The following CLASP2 variants were observed in gnomAD, a reference collection of about 807,000 sequenced individuals.
CLASP2 encodes CLIP-associating protein 2.
CLASP2 carries 47 observed loss-of-function variants against 194.4 expected under a neutral mutation model. That is an observed-to-expected ratio of 0.24 (90% CI 0.19 to 0.31). The LOEUF (loss-of-function observed/expected upper bound fraction) is 0.31. Ranked by LOEUF, CLASP2 falls within the 10% of genes least tolerant of loss-of-function variation. CLASP2 has a pLI of 1.00. For synonymous variants in CLASP2, 619 were observed against 633.5 expected (o/e 0.98, Z 0.34); for missense variants, 1,445 against 1,823.6 (o/e 0.79, Z 3.78).
chr3:33,527,359 C>G (rs985815148), intron 34 of CLASP2, among the ~76,000 whole-genome samples: 1 of 152,022 alleles, frequency 6.6e-6, no homozygotes, highest in African/African-American at 2.4e-5. Context: ...AACTAGAAAA[C>G]CTAGAAGAGA....
chr3:33,645,368 A>T, intron 7 of CLASP2: 1 of 764,158 alleles, frequency 1.3e-6, no homozygotes, highest in Non-Finnish European at 2.4e-6. Flanking sequence ...AATAGTTCAC[A>T]TGGCCAAATA....
At chr3:33,533,592 A>T (rs974551579) in intron 34 of CLASP2, among the ~76,000 whole-genome samples, 4 of 152,240 alleles carry the variant, frequency 2.6e-5, no homozygotes, top group African/African-American at 4.8e-5. Flanking sequence ...TGAGAAAATC[A>T]GCATTACTTA....
chr3:33,498,657 T>C lies in CLASP2; in HGVS notation c.4495A>G (p.Thr1499Ala). The part of the protein sequence containing the change: ...AQTGSGGADP[T>A]TDVSGQS Reference sequence around the variant, plus strand: ...TAACTTTGTCCAGAAACATCAGTAGTGGGATCAGCTCCTCCAGAACCTGTT... The same window carrying C: ...TAACTTTGTCCAGAAACATCAGTAGCGGGATCAGCTCCTCCAGAACCTGTT... Residue 1499 changes from threonine to alanine, a missense_variant, in exon 39 of 39, where the codon ACT (threonine) becomes GCT (alanine). By Grantham distance (58) the Thr-to-Ala change is moderately conservative. This residue lies in a region of CLASP2 where 732 missense variants were observed against 987.9 expected (regional missense o/e 0.74). Coordinates refer to ENST00000682230, the MANE Select transcript of CLASP2 (RefSeq NM_001365631.1). 6.2e-7 allele frequency: 1 copy of C among 1,613,470 alleles called. No homozygotes were observed. Among genetic ancestry groups the C allele is most frequent in the Non-Finnish European group, 8.5e-7 (1 of 1,179,444 alleles).
intron 16 of CLASP2, among the ~76,000 whole-genome samples, chr3:33,605,870 C>CA (rs941912683): frequency 5.9e-5 from 9 of 152,130 alleles, no homozygotes; most frequent in African/African-American, 2.2e-4. Context: ...CTTAGCCTCT[C>CA]AAAGTGCTGG....
intron 2 of CLASP2, among the ~76,000 whole-genome samples, chr3:33,691,067 C>A (rs1489811620): frequency 6.6e-6 from 1 of 152,088 alleles, no homozygotes; most frequent in Non-Finnish European, 1.5e-5. Context: ...GGAGGCAGAG[C>A]TCAGGTGGTA....
intron 13 of CLASP2, among the ~76,000 whole-genome samples, chr3:33,609,322 T>C (rs1259354150): frequency 6.6e-6 from 1 of 152,156 alleles, no homozygotes; most frequent in African/African-American, 2.4e-5. Context: ...ATTTATTAAT[T>C]TAAAAATATT....
At chr3:33,647,056 T>C (rs546759481) in intron 7 of CLASP2, among the ~76,000 whole-genome samples, 3 of 152,302 alleles carry the variant, frequency 2.0e-5, no homozygotes, top group South Asian at 4.1e-4. Flanking sequence ...CCACAATTTA[T>C]TAATATCCAT....
chr3:33,590,598 T>C (rs945678884), intron 21 of CLASP2, among the ~76,000 whole-genome samples: 1 of 152,140 alleles, frequency 6.6e-6, no homozygotes, highest in Non-Finnish European at 1.5e-5. Flanking sequence ...GAGATAAAAG[T>C]TTTCCCATTC....
chr3:33,696,991 G>C (rs1164300649), intron 1 of CLASP2, 58 bp from the exon 2 acceptor site: 6 of 908,296 alleles, frequency 6.6e-6, no homozygotes, highest in African/African-American at 1.7e-5. Context: ...TTTAATATCA[G>C]TATTTAATTT....
intron 36 of CLASP2, among the ~76,000 whole-genome samples, chr3:33,510,989 T>C (rs928922508): frequency 1.3e-5 from 2 of 151,822 alleles, no homozygotes; most frequent in Non-Finnish European, 2.9e-5. Flanking sequence ...TTTATTACAC[T>C]ATTCTCCCTT....
chr3:33,550,014 G>A (rs181740353), intron 30 of CLASP2, among the ~76,000 whole-genome samples: 13 of 152,168 alleles, frequency 8.5e-5, no homozygotes, highest in Non-Finnish European at 1.2e-4. Context: ...GATTACAGGC[G>A]TGAGCCACTG....
chr3:33,516,774 C>T (rs1200195006), intron 35 of CLASP2, among the ~76,000 whole-genome samples: 10 of 152,122 alleles, frequency 6.6e-5, no homozygotes, highest in South Asian at 2.1e-4. Flanking sequence ...ATTCAGCCTG[C>T]GACCTTTCAT....
intron 36 of CLASP2, chr3:33,514,712 T>C (rs1326724275): frequency 5.6e-6 from 2 of 357,490 alleles, no homozygotes; most frequent in South Asian, 2.3e-5. Context: ...ATGAAAAAGA[T>C]ACTTGCACAC....
At chr3:33,707,311 CAA>C in intron 1 of CLASP2, among the ~76,000 whole-genome samples, 1 of 151,908 alleles carries the variant, frequency 6.6e-6, no homozygotes, top group East Asian at 1.9e-4. Context: ...TATATGAAAA[CAA>C]AAACAAACAT....
chr3:33,633,389 C>T (rs2079470246), intron 8 of CLASP2, among the ~76,000 whole-genome samples: 3 of 152,174 alleles, frequency 2.0e-5, no homozygotes, highest in Admixed American at 6.6e-5. Context: ...GAGGCTGACG[C>T]AGTTCTGACT....
intron 13 of CLASP2, among the ~76,000 whole-genome samples, chr3:33,610,435 T>C (rs979196015): frequency 6.6e-6 from 1 of 152,218 alleles, no homozygotes; most frequent in African/African-American, 2.4e-5. Flanking sequence ...GCATATGACA[T>C]AGCTTTACAT....
chr3:33,520,863 A>T (rs972956046), intron 34 of CLASP2, among the ~76,000 whole-genome samples: 7 of 130,722 alleles, frequency 5.4e-5, no homozygotes, highest in Admixed American at 7.7e-5. Flanking sequence ...ACACACACAC[A>T]CTCCCTAGCT....
chr3:33,602,560 T>C (rs896613673), intron 18 of CLASP2: 1 of 763,314 alleles, frequency 1.3e-6, no homozygotes, highest in Admixed American at 1.7e-5. Flanking sequence ...AGCTTTGCAG[T>C]TCTCCCAGAT....
intron 21 of CLASP2, chr3:33,588,755 T>C: frequency 1.4e-6 from 1 of 702,104 alleles, no homozygotes; most frequent in Non-Finnish European, 2.6e-6. Flanking sequence ...AAGGCAGAAT[T>C]AGGGTAAGGA....
Sources: gnomAD v4.1 joint callset for allele counts (sites outside exome capture counted in the v4.1 genomes callset) on GRCh38, gnomAD v4.1.1 for gene constraint, gnomAD v4.1.1 regional missense constraint, MANE v1.5 for transcripts, NCBI Gene and HGNC (gene_info 2026-07-23, HGNC 2026-07-21) for gene names.